Variants in PCDH11Y observed in about 807,000 individuals in gnomAD.
The protein encoded by PCDH11Y is protocadherin 11 Y-linked, also known as protocadherin-11 Y-linked.
For missense variants in PCDH11Y, 12 were observed against 224.8 expected, an observed-to-expected ratio of 0.05 and a Z score of 6.05; for synonymous variants, 9 against 83.6, an observed-to-expected ratio of 0.11 and a Z score of 4.87.
intron 3 of PCDH11Y, among the ~76,000 whole-genome samples, chrY:5,521,029 A>G (rs2053380220): frequency 3.1e-5 from 1 of 32,669 alleles, no homozygotes; most frequent in Admixed American, 2.8e-4. Context: ...TGTACATTAA[A>G]ACACATGTAT....
At chrY:5,386,239 G>C in intron 2 of PCDH11Y, among the ~76,000 whole-genome samples, 1 of 33,412 alleles carries the variant, frequency 3.0e-5, no homozygotes, top group Non-Finnish European at 7.4e-5. Flanking sequence ...AATCTGATAT[G>C]TTTTCTTTTT....
At chrY:5,344,155 C>G (rs2053149497) in intron 2 of PCDH11Y, among the ~76,000 whole-genome samples, 1 of 32,944 alleles carries the variant, frequency 3.0e-5, no homozygotes, top group Non-Finnish European at 7.4e-5. Flanking sequence ...GTAATAAAAC[C>G]TATGGTTTTC....
At chrY:5,378,738 TG>T (rs2053201609) in intron 2 of PCDH11Y, among the ~76,000 whole-genome samples, 1 of 33,413 alleles carries the variant, frequency 3.0e-5, no homozygotes. Context: ...TATATTTTAA[TG>T]CCAATGCTAA....
intron 4 of PCDH11Y, among the ~76,000 whole-genome samples, chrY:5,628,710 T>G (rs2053509661): frequency 5.9e-5 from 2 of 34,025 alleles, no homozygotes; most frequent in Non-Finnish European, 1.5e-4. Context: ...AAGTATTATT[T>G]AAAAGCAATC....
chrY:5,329,274 C>A (rs2053126897), intron 2 of PCDH11Y, among the ~76,000 whole-genome samples: 1 of 31,946 alleles, frequency 3.1e-5, no homozygotes, highest in Non-Finnish European at 7.6e-5. Context: ...AGTGGAGACA[C>A]GGAGAAGGAG....
intron 4 of PCDH11Y, among the ~76,000 whole-genome samples, chrY:5,638,350 A>G: frequency 6.3e-4 from 20 of 31,996 alleles, no homozygotes; most frequent in African/African-American, 2.4e-3. Context: ...ATTTGTTGTG[A>G]TAATACATTA....
At chrY:5,006,795 G>C (rs2052540619) in intron 1 of PCDH11Y, among the ~76,000 whole-genome samples, 16 of 33,460 alleles carry the variant, frequency 4.8e-4, no homozygotes, top group Admixed American at 8.1e-4. Context: ...TATTTGAAAT[G>C]GTGTTATTTT....
chrY:5,115,642 A>C (rs2124639383), intron 2 of PCDH11Y, among the ~76,000 whole-genome samples: 1 of 31,846 alleles, frequency 3.1e-5, no homozygotes, highest in Admixed American at 2.9e-4. Context: ...ATATATATAA[A>C]ATTTTAAGGA....
chrY:5,324,011 T>C, intron 2 of PCDH11Y, among the ~76,000 whole-genome samples: 2 of 32,335 alleles, frequency 6.2e-5, no homozygotes, highest in East Asian at 1.6e-3. Flanking sequence ...GGTCATATGC[T>C]GAGCTACATT....
chrY:5,211,919 A>G (rs2052939099), intron 2 of PCDH11Y, among the ~76,000 whole-genome samples: 1 of 33,769 alleles, frequency 3.0e-5, no homozygotes, highest in African/African-American at 1.2e-4. Flanking sequence ...GATTACAGGC[A>G]TGAGCCACCA....
chrY:5,325,706 G>A, intron 2 of PCDH11Y, among the ~76,000 whole-genome samples: 1 of 33,165 alleles, frequency 3.0e-5, no homozygotes, highest in Non-Finnish European at 7.4e-5. Flanking sequence ...GAGAAACAGT[G>A]TAAACTGGCA....
chrY:5,696,086 T>C, intron 4 of PCDH11Y, among the ~76,000 whole-genome samples: 2 of 33,428 alleles, frequency 6.0e-5, no homozygotes, highest in Non-Finnish European at 1.5e-4. Context: ...ATTATATTCT[T>C]TAGCTTTTGT....
chrY:5,543,963 A>G (rs2053410486), intron 3 of PCDH11Y, among the ~76,000 whole-genome samples: 1 of 32,785 alleles, frequency 3.1e-5, no homozygotes, highest in Non-Finnish European at 7.7e-5. Flanking sequence ...CAGGTTTACA[A>G]CCCTGTTTGC....
chrY:5,356,138 A>G (rs2053165741), intron 2 of PCDH11Y, among the ~76,000 whole-genome samples: 1 of 33,545 alleles, frequency 3.0e-5, no homozygotes, highest in Non-Finnish European at 7.3e-5. Context: ...AACCAGTTAC[A>G]GGGAGAAGGC....
rs2053548598 is a variant in PCDH11Y at position 5,670,953 on chromosome Y, A to G, written c.3353-66319A>G. ...TAATCCATTTTGATTTTATTTTTGTATAGGATGAGAGGAGGGTCTAGTTTT... is the reference window on the plus strand; with the variant it reads ...TAATCCATTTTGATTTTATTTTTGTGTAGGATGAGAGGAGGGTCTAGTTTT... On this transcript the variant is annotated intron_variant, in intron 4 of 4. Transcript: ENST00000400457. Among the ~76,000 whole-genome samples the G allele has an allele frequency of 8.5e-4, 28 of 33,021 alleles. No individual in the cohort carries two copies. The South Asian group carries it at 0.018, about 21-fold the overall frequency. The allele number at this position is 33,021 out of a possible 37,273, so 88.6% of individuals were successfully genotyped here. A position where few individuals can be genotyped will look rare whatever the true frequency, so the allele number is the denominator to read the frequency against.
chrY:5,108,659 A>G (rs1569475357), downstream of PCDH11Y, among the ~76,000 whole-genome samples: 43 of 27,908 alleles, frequency 1.5e-3, no homozygotes, highest in Non-Finnish European at 6.7e-4. Context: ...AGGCAGGAGA[A>G]TGGCACGAAC....
chrY:5,672,782 CT>C (rs2053550750), intron 4 of PCDH11Y, among the ~76,000 whole-genome samples: 1 of 31,284 alleles, frequency 3.2e-5, no homozygotes, highest in Non-Finnish European at 7.9e-5. Flanking sequence ...CTATTCTAAT[CT>C]TTTTTTTCTT....
chrY:5,720,711 T>C, intron 4 of PCDH11Y, among the ~76,000 whole-genome samples: 2 of 33,065 alleles, frequency 6.0e-5, no homozygotes, highest in Non-Finnish European at 1.5e-4. Flanking sequence ...GGAAGCAACC[T>C]AAGAGTTTAT....
At chrY:5,056,748 C>A in exon 1 of PCDH11Y, 1 of 379,938 alleles carries the variant, frequency 2.6e-6, no homozygotes, top group Non-Finnish European at 3.7e-6. Flanking sequence ...ACAGATTTAT[C>A]ACTAATTAAC....
Sources: allele counts gnomAD v4.1 joint callset (sites outside exome capture counted in the v4.1 genomes callset), GRCh38; gene constraint gnomAD v4.1.1; transcripts MANE v1.5; gene names NCBI Gene and HGNC (gene_info 2026-07-23, HGNC 2026-07-21).